The following MTCL2 variants were observed in gnomAD, a reference collection of about 807,000 sequenced individuals.
MTCL2 encodes the protein microtubule crosslinking factor 2.
At chr20:36,777,516 A>G in the MTCL2 span, 1 of 386,512 alleles carries the variant, frequency 2.6e-6, no homozygotes, top group Non-Finnish European at 4.6e-6. Flanking sequence ...CTGTACAGTT[A>G]TTCTCATGTC....
the MTCL2 span, chr20:36,808,498 C>T: frequency 4.5e-6 from 7 of 1,572,206 alleles, no homozygotes; most frequent in East Asian, 1.7e-4. Context: ...GTCCCAGTCC[C>T]TGGCCCAATC....
At chr20:36,806,097 A>G in the MTCL2 span, 1 of 623,212 alleles carries the variant, frequency 1.6e-6, no homozygotes, top group Non-Finnish European at 2.8e-6. Flanking sequence ...TTCTGCCCCA[A>G]AGACCAGGAA....
chr20:36,815,224 T>C, the MTCL2 span: 3 of 1,613,994 alleles, frequency 1.9e-6, no homozygotes, highest in Non-Finnish European at 2.5e-6. This position sits in a 1 kb window ranked among gnomAD's most constrained non-coding sequence, Gnocchi z 5.3. Context: ...TGCTGTTCCT[T>C]GACAGAGCAC....
the MTCL2 span, among the ~76,000 whole-genome samples, chr20:36,788,801 CTTTTCTTTTT>C: frequency 6.1e-5 from 9 of 146,656 alleles, no homozygotes; most frequent in African/African-American, 1.8e-4. Context: ...TTTTTCTTTT[CTTTTCTTTTT>C]TTTTTTTTTT....
the MTCL2 span, chr20:36,781,418 C>T: frequency 6.6e-6 from 1 of 152,024 alleles, no homozygotes; most frequent in African/African-American, 2.4e-5. Context: ...CACCTGTAAT[C>T]CCAGTTACTC....
chr20:36,817,827 C>A, the MTCL2 span, among the ~76,000 whole-genome samples: 1 of 152,214 alleles, frequency 6.6e-6, no homozygotes, highest in African/African-American at 2.4e-5. Context: ...ACCTATCAAG[C>A]GCCAGGTAGG....
At chr20:36,810,589 A>T in the MTCL2 span, among the ~76,000 whole-genome samples, 1 of 152,106 alleles carries the variant, frequency 6.6e-6, no homozygotes, top group Non-Finnish European at 1.5e-5. Flanking sequence ...CAAAACCAAA[A>T]ACGCTATAGG....
chr20:36,820,906 G>C, the MTCL2 span, among the ~76,000 whole-genome samples: 1 of 152,202 alleles, frequency 6.6e-6, no homozygotes, highest in Non-Finnish European at 1.5e-5. Flanking sequence ...GAAAGACCTG[G>C]AAAGATACAA....
chr20:36,841,877 GTGTGTGT>G, the MTCL2 span, among the ~76,000 whole-genome samples: 2,158 of 71,764 alleles, frequency 0.03, 45 homozygotes, highest in Non-Finnish European at 0.055. Flanking sequence ...GGGGTGGGGT[GTGTGTGT>G]GTGTGTGTGT....
At chr20:36,840,267 C>CCATT in the MTCL2 span, among the ~76,000 whole-genome samples, 1 of 151,702 alleles carries the variant, frequency 6.6e-6, no homozygotes, top group Non-Finnish European at 1.5e-5. Context: ...TGGGTTCACG[C>CCATT]CATTCTCCCG....
chr20:36,778,432 A>C, the MTCL2 span: 2 of 152,374 alleles, frequency 1.3e-5, no homozygotes, highest in East Asian at 3.9e-4. Flanking sequence ...GCTAATCTGC[A>C]CTTCTATCAA....
the MTCL2 span, among the ~76,000 whole-genome samples, chr20:36,822,051 A>G: frequency 1.3e-5 from 2 of 152,244 alleles, 1 homozygote; most frequent in South Asian, 4.1e-4. Context: ...CTTTTCTGGT[A>G]GGACCTGACA....
chr20:36,820,172 G>C, the MTCL2 span, among the ~76,000 whole-genome samples: 11 of 152,112 alleles, frequency 7.2e-5, no homozygotes, highest in Non-Finnish European at 1.3e-4. Flanking sequence ...ATGATCCCTG[G>C]GTGAACCCTT....
At chr20:36,857,488 G>A in the MTCL2 span, among the ~76,000 whole-genome samples, 2 of 152,148 alleles carry the variant, frequency 1.3e-5, no homozygotes, top group African/African-American at 4.8e-5. Flanking sequence ...TGTGCAAGTG[G>A]CTGTGTGTCT....
the MTCL2 span, among the ~76,000 whole-genome samples, chr20:36,800,628 G>A: frequency 1.3e-5 from 2 of 152,336 alleles, no homozygotes; most frequent in East Asian, 1.9e-4. Flanking sequence ...GGGGTTTCAT[G>A]AACGTGACCT....
At chr20:36,811,807 G>A in the MTCL2 span, among the ~76,000 whole-genome samples, 1 of 152,078 alleles carries the variant, frequency 6.6e-6, no homozygotes, top group Non-Finnish European at 1.5e-5. Context: ...ACCTTCCTGG[G>A]ACTACAGAGT....
the MTCL2 span, among the ~76,000 whole-genome samples, chr20:36,835,823 G>GCCACACACCCGCT: frequency 6.6e-6 from 1 of 152,010 alleles, no homozygotes; most frequent in East Asian, 1.9e-4. Flanking sequence ...ACTCCGGAGA[G>GCCACACACCCGCT]CCACACACCC....
At chr20:36,788,674 G>C in the MTCL2 span, among the ~76,000 whole-genome samples, 1 of 152,154 alleles carries the variant, frequency 6.6e-6, no homozygotes, top group Non-Finnish European at 1.5e-5. Flanking sequence ...TAAAAGTGCT[G>C]TGATAGAGCC....
the MTCL2 span, chr20:36,839,265 G>A: frequency 5.0e-6 from 8 of 1,609,806 alleles, no homozygotes; most frequent in East Asian, 2.2e-5. This position sits in a 1 kb window ranked among gnomAD's most constrained non-coding sequence, Gnocchi z 5.1. Flanking sequence ...CCACCTGGCC[G>A]GTCTGGGCGG....
Sources: allele counts gnomAD v4.1 joint callset (sites outside exome capture counted in the v4.1 genomes callset), GRCh38; gene constraint gnomAD v4.1.1; non-coding constraint Gnocchi (gnomAD v3.1); transcripts MANE v1.5; gene names NCBI Gene and HGNC (gene_info 2026-07-23, HGNC 2026-07-21).